The following BRAF variants were observed in gnomAD, a reference collection of about 807,000 sequenced individuals.
The protein encoded by BRAF is B-Raf proto-oncogene, serine/threonine kinase.
BRAF carries 16 observed loss-of-function variants against 104.6 expected under a neutral mutation model. The ratio of observed to expected loss-of-function variants is 0.15; its 90% CI spans 0.10 to 0.23. BRAF has a LOEUF of 0.23. BRAF is among the 10% of genes least tolerant of loss of function. The pLI, the probability that BRAF is intolerant of heterozygous loss-of-function variation, is 1.00. For missense variants in BRAF, 541 were observed against 937.3 expected (o/e 0.58, Z 5.52); for synonymous variants, 310 against 341.6 (o/e 0.91, Z 1.02).
chr7:140,880,722 G>GA, intron 1 of BRAF, among the ~76,000 whole-genome samples: 1 of 151,692 alleles, frequency 6.6e-6, no homozygotes, highest in African/African-American at 2.4e-5. Flanking sequence ...TAGTGGTTAA[G>GA]AAAAACATTA....
chr7:140,854,898 C>G (rs1360936091), intron 1 of BRAF, among the ~76,000 whole-genome samples: 1 of 151,968 alleles, frequency 6.6e-6, no homozygotes, highest in South Asian at 2.1e-4. Context: ...TGAGCCGAGA[C>G]TGCGCCACTG....
At chr7:140,824,774 T>G (rs1002947659) in intron 3 of BRAF, among the ~76,000 whole-genome samples, 2 of 152,154 alleles carry the variant, frequency 1.3e-5, no homozygotes, top group African/African-American at 2.4e-5. Context: ...ATTCTAGTTC[T>G]TTCACATCCC....
chr7:140,862,695 G>C (rs1810547673), intron 1 of BRAF, among the ~76,000 whole-genome samples: 1 of 152,082 alleles, frequency 6.6e-6, no homozygotes, highest in Non-Finnish European at 1.5e-5. Context: ...ATTACTTGTT[G>C]ACTTAAGGCT....
chr7:140,797,339 T>G (rs1802596130), intron 7 of BRAF, among the ~76,000 whole-genome samples: 1 of 152,158 alleles, frequency 6.6e-6, no homozygotes, highest in African/African-American at 2.4e-5. Context: ...GAAAAGGAGG[T>G]ATCTCTCACT....
intron 1 of BRAF, among the ~76,000 whole-genome samples, chr7:140,875,789 C>T (rs1378285805): frequency 6.6e-6 from 1 of 152,150 alleles, no homozygotes; most frequent in African/African-American, 2.4e-5. Context: ...GGAAGTTACA[C>T]ATTTTAAAGT....
At chr7:140,796,320 G>T (rs1390781895) in intron 7 of BRAF, among the ~76,000 whole-genome samples, 1 of 149,934 alleles carries the variant, frequency 6.7e-6, no homozygotes, top group Non-Finnish European at 1.5e-5. Flanking sequence ...CTCTGCACTC[G>T]CCTGGGTGAC....
At chr7:140,760,622 T>A (rs547691534) in intron 14 of BRAF, among the ~76,000 whole-genome samples, 5 of 151,812 alleles carry the variant, frequency 3.3e-5, no homozygotes, top group African/African-American at 9.7e-5. Context: ...CCCCAAAAGT[T>A]TTTTTTAATG....
intron 1 of BRAF, among the ~76,000 whole-genome samples, chr7:140,859,559 T>C (rs745598116): frequency 1.7e-4 from 26 of 152,158 alleles, no homozygotes; most frequent in Non-Finnish European, 2.9e-4. Context: ...CCTACATAAA[T>C]ATCCTTTTAT....
intron 3 of BRAF, among the ~76,000 whole-genome samples, chr7:140,813,868 C>T (rs1021551968): frequency 1.3e-5 from 2 of 151,868 alleles, no homozygotes; most frequent in South Asian, 4.2e-4. Flanking sequence ...CACACATGCA[C>T]ATGCATGCGG....
intron 19 of BRAF, among the ~76,000 whole-genome samples, chr7:140,727,956 G>A (rs1257409215): frequency 1.3e-5 from 2 of 152,132 alleles, no homozygotes; most frequent in Non-Finnish European, 1.5e-5. Flanking sequence ...AGCTTCTGAT[G>A]AGGATCCAAG....
chr7:140,923,142 G>A (rs1054113245), intron 1 of BRAF, among the ~76,000 whole-genome samples: 5 of 152,076 alleles, frequency 3.3e-5, no homozygotes, highest in African/African-American at 1.2e-4. Context: ...TCATAAACAA[G>A]CTGATGCTGA....
At position 140,771,347 on chromosome 7, in the gene BRAF, C is replaced by A. The variant is rs147117348; in HGVS notation, c.1814+5565G>T. Among the ~76,000 whole-genome samples the A allele has an allele frequency of 2.6e-3, 395 of 152,232 alleles. 4 individuals carry two copies. Among genetic ancestry groups the A allele is most frequent in the Admixed American group, 0.02 (301 of 15,288 alleles). ...AGTAGGTGAGAACACAGGTGCACACCATCACATCCAGCTAATTTTTGTATT... is the reference window on the plus strand; with the variant it reads ...AGTAGGTGAGAACACAGGTGCACACAATCACATCCAGCTAATTTTTGTATT... On this transcript the variant is annotated intron_variant, in intron 14 of 19. Coordinates refer to ENST00000644969, the MANE Select transcript of BRAF (RefSeq NM_001374258.1).
At chr7:140,782,490 A>G (rs1800976802) in intron 11 of BRAF, among the ~76,000 whole-genome samples, 1 of 151,838 alleles carries the variant, frequency 6.6e-6, no homozygotes, top group African/African-American at 2.4e-5. Context: ...TCAACATATA[A>G]AATTACTTTG....
chr7:140,874,994 T>C (rs1812055340), intron 1 of BRAF, among the ~76,000 whole-genome samples: 3 of 152,194 alleles, frequency 2.0e-5, no homozygotes, highest in African/African-American at 4.8e-5. Context: ...CCTTTCACCA[T>C]GATTTTAAGT....
At chr7:140,797,985 T>C (rs1290004000) in intron 7 of BRAF, among the ~76,000 whole-genome samples, 1 of 152,160 alleles carries the variant, frequency 6.6e-6, no homozygotes. Context: ...ACGGCTGCAT[T>C]TTCCAGTGTT....
rs1344511692 is a variant in BRAF, at chr7:140,758,425, A to C, written c.1815-4192T>G. ...TAAAGTTATGCTCCATAGTGGCCTA[A>C]ATTCTATTTTTGCCTTGATTTTTTA... On this transcript the variant is annotated intron_variant, in intron 14 of 19. Transcript: ENST00000644969. 3 of 152,158 alleles carry C rather than the reference A, an allele frequency of 2.0e-5. No homozygotes were observed. The East Asian group carries it at 5.8e-4, about 29-fold the overall frequency. 9.4% of individuals were successfully genotyped at this position (152,158 alleles called of 1,614,324 possible).
At chr7:140,920,317 G>A (rs962766689) in intron 1 of BRAF, among the ~76,000 whole-genome samples, 1 of 152,086 alleles carries the variant, frequency 6.6e-6, no homozygotes, top group Admixed American at 6.5e-5. Context: ...ATAATTGGGA[G>A]AAAAAGGGAA....
chr7:140,870,214 C>T (rs186344936), intron 1 of BRAF, among the ~76,000 whole-genome samples: 4 of 152,094 alleles, frequency 2.6e-5, no homozygotes, highest in East Asian at 1.9e-4. Context: ...ATAAGTGAAA[C>T]GTATGACAGT....
At chr7:140,883,536 C>T (rs1481571725) in intron 1 of BRAF, among the ~76,000 whole-genome samples, 1 of 152,192 alleles carries the variant, frequency 6.6e-6, no homozygotes, top group Admixed American at 6.5e-5. Flanking sequence ...CCTAAATCAT[C>T]TACATTGTAA....
Sources: gnomAD v4.1 joint callset for allele counts (sites outside exome capture counted in the v4.1 genomes callset) on GRCh38, gnomAD v4.1.1 for gene constraint, MANE v1.5 for transcripts, NCBI Gene and HGNC (gene_info 2026-07-23, HGNC 2026-07-21) for gene names.